PTCH1: variants seen among roughly 807,000 people sequenced by gnomAD.
PTCH1 encodes protein patched homolog 1.
A neutral mutation model predicts 144.6 loss-of-function variants in PTCH1; 14 were observed. The observed-to-expected ratio is 0.10, with a 90% CI of 0.06 to 0.15. The LOEUF is 0.15. Ranked by LOEUF, PTCH1 falls within the 10% of genes least tolerant of loss-of-function variation. The probability of loss-of-function intolerance (pLI) is 1.00; values close to 1 mark genes in which losing one functional copy is unlikely to be tolerated. For missense variants in PTCH1, 1,623 were observed against 1,948.3 expected (o/e 0.83, Z 3.14); for synonymous variants, 833 against 793.6 (o/e 1.05, Z -0.83).
intron 19 of PTCH1, 97 bp downstream of exon 19, chr9:95,456,179 G>T (rs1311193097): frequency 6.5e-7 from 1 of 1,538,594 alleles, no homozygotes; most frequent in Middle Eastern, 1.7e-4. Context: ...TCACTGCCAC[G>T]CACAGGGAGA....
Position 95,449,479 on chromosome 9 carries a change from G to T in PTCH1, c.3550-156C>A. 9.6e-7 allele frequency: 1 copy of T among 1,042,670 alleles called. No homozygotes were observed. The highest frequency in any genetic ancestry group is 1.4e-6 in the Non-Finnish European group (1 of 707,434). 64.6% of individuals were successfully genotyped at this position (1,042,670 alleles called of 1,614,324 possible). A position where few individuals can be genotyped will look rare whatever the true frequency, so the allele number is the denominator to read the frequency against. On this transcript the variant is annotated intron_variant, in intron 21 of 23. Coordinates refer to ENST00000331920, the MANE Select transcript of PTCH1 (RefSeq NM_000264.5). This position sits in a 1 kb window ranked among gnomAD's most constrained non-coding sequence, Gnocchi z 5.3. ...AACCTCCCCTTCTCTACCACCTGGA[G>T]GACCTTCAGGTCCCGCAGCTGGAGC...
chr9:95,458,139 G>C lies in PTCH1; in HGVS notation c.3042C>G (p.Pro1014=). The change falls in exon 18 of 24, where the codon CCC becomes CCG. Residue 1014 remains proline (P), a synonymous_variant. Coordinates refer to ENST00000331920, the MANE Select transcript of PTCH1 (RefSeq NM_000264.5). This position sits in a 1 kb window ranked among gnomAD's most constrained non-coding sequence, Gnocchi z 4.7. ...LGLSSYPNGY[P]FLFWEQYIGL... ...CGATGTACTGCTCCCAGAAGAGGAA[G>C]GGGTAGCCGTTGGGGTAACTGGACA... 6.2e-7 allele frequency: 1 copy of C among 1,614,236 alleles called. No individual in the cohort carries two copies. Among genetic ancestry groups the C allele is most frequent in the East Asian group, 2.2e-5 (1 of 44,884 alleles).
intron 18 of PTCH1, 124 bp downstream of exon 18, chr9:95,457,889 T>C (rs1839080669): frequency 1.5e-6 from 2 of 1,322,210 alleles, no homozygotes; most frequent in East Asian, 2.4e-5. Flanking sequence ...AGAATAAACA[T>C]ATTACGGATG....
intron 9 of PTCH1, 94 bp downstream of exon 9, chr9:95,477,961 A>G: frequency 6.3e-7 from 1 of 1,588,902 alleles, no homozygotes; most frequent in Non-Finnish European, 8.6e-7. Context: ...ATCGATGTTA[A>G]GAGCAGTTAA....
intron 1 of PTCH1, 92 bp from the exon 2 acceptor site, chr9:95,506,691 A>C: frequency 9.3e-7 from 1 of 1,072,970 alleles, no homozygotes; most frequent in Non-Finnish European, 1.2e-6. Flanking sequence ...GTGAGCCCCC[A>C]ACAGCCGTGG....
intron 2 of PTCH1, among the ~76,000 whole-genome samples, chr9:95,501,745 T>C (rs959559493): frequency 7.9e-5 from 12 of 152,260 alleles, no homozygotes; most frequent in African/African-American, 2.9e-4. Context: ...CTGGAGAAGC[T>C]TGACAAGAAA....
intron 12 of PTCH1, among the ~76,000 whole-genome samples, chr9:95,472,108 A>T (rs530408229): frequency 7.6e-5 from 10 of 132,246 alleles, no homozygotes; most frequent in Non-Finnish European, 1.2e-4. Flanking sequence ...AAAAACACAG[A>T]GTGTGCAAGA....
intron 12 of PTCH1, among the ~76,000 whole-genome samples, chr9:95,473,075 G>A (rs1488416715): frequency 6.6e-6 from 1 of 152,210 alleles, no homozygotes; most frequent in Non-Finnish European, 1.5e-5. Flanking sequence ...TGTTCTGTGA[G>A]TTTTCATTGA....
In PTCH1 at chr9:95,445,193, C is replaced by T. The variant is rs549419548; in HGVS notation, c.*1200G>A. 2.6e-5 allele frequency: 4 copies of T among 152,270 alleles called. No homozygotes were observed. Among genetic ancestry groups the T allele is most frequent in the South Asian group, 2.1e-4 (1 of 4,816 alleles). The allele number at this position is 152,270 out of a possible 1,614,324, so 9.4% of individuals were successfully genotyped here. On this transcript the variant is annotated 3_prime_UTR_variant, in exon 24 of 24. Coordinates refer to ENST00000331920, the MANE Select transcript of PTCH1 (RefSeq NM_000264.5). ...CTCCATTTAAGAGAGGGAGTTTAAACTATAGGGACTCAAAACATCATTTCT... is the reference window on the plus strand; with the variant it reads ...CTCCATTTAAGAGAGGGAGTTTAAATTATAGGGACTCAAAACATCATTTCT...
chr9:95,467,224 A>C lies in PTCH1; in HGVS notation c.2452T>G (p.Leu818Val). 6.2e-7 allele frequency: 1 copy of C among 1,613,342 alleles called. No homozygotes were observed. Among genetic ancestry groups the C allele is most frequent in the Non-Finnish European group, 8.5e-7 (1 of 1,179,796 alleles). ...QKADYPNIQH[L>V]LYDLHRSFSN... ...AAACTCCTGTGTAGGTCGTAAAGTAAGTGCTGGATATTCGGGTAGTCTGCT... is the reference window on the plus strand; with the variant it reads ...AAACTCCTGTGTAGGTCGTAAAGTACGTGCTGGATATTCGGGTAGTCTGCT... The change falls in exon 15 of 24, where the codon TTA (leucine) becomes GTA (valine). Residue 818 changes from leucine (L) to valine (V), a missense_variant. By Grantham distance (32) the Leu-to-Val change is conservative. Transcript: ENST00000331920.
chr9:95,476,769 A>G lies in PTCH1; in HGVS notation c.1592T>C (p.Ile531Thr), dbSNP rs1227526379. 2.5e-6 allele frequency: 4 copies of G among 1,613,724 alleles called. No individual in the cohort carries two copies. Residue 531 changes from isoleucine (I) to threonine (T), a missense_variant, in exon 11 of 24, where the codon ATC (isoleucine) becomes ACC (threonine). Coordinates refer to ENST00000331920, the MANE Select transcript of PTCH1 (RefSeq NM_000264.5). This position sits in a 1 kb window ranked among gnomAD's most constrained non-coding sequence, Gnocchi z 4.6. ...AFSETGQNKR[I>T]PFEDRTGECL... is the part of the protein sequence containing the mutation. Reference sequence around the variant, plus strand: ...TTGTTTTTGCATTACCTCAAAAGGGATTCTTTTATTCTGTCCTGTTTCACT... The same window carrying G: ...TTGTTTTTGCATTACCTCAAAAGGGGTTCTTTTATTCTGTCCTGTTTCACT...
intron 2 of PTCH1, among the ~76,000 whole-genome samples, chr9:95,492,986 G>C (rs1388887331): frequency 6.6e-6 from 1 of 152,024 alleles, no homozygotes; most frequent in African/African-American, 2.4e-5. Flanking sequence ...GAAATCCAAG[G>C]CTTAAGCCAA....
At chr9:95,459,013 G>T (rs552777759) in intron 17 of PTCH1, among the ~76,000 whole-genome samples, 1 of 152,176 alleles carries the variant, frequency 6.6e-6, no homozygotes, top group East Asian at 1.9e-4. Flanking sequence ...TCCTCCCTTG[G>T]CCCGGTATCC....
chr9:95,514,645 T>TGA (rs879380677), intron 1 of PTCH1: 1,663 of 123,946 alleles, frequency 0.013, 20 homozygotes, highest in Non-Finnish European at 0.022. Context: ...TGTGTGTGTG[T>TGA]GTGAGAGAGA....
chr9:95,446,249 T>A lies in PTCH1; in HGVS notation c.*144A>T, dbSNP rs1837868781. On this transcript the variant is annotated 3_prime_UTR_variant, in exon 24 of 24. Coordinates refer to ENST00000331920, the MANE Select transcript of PTCH1 (RefSeq NM_000264.5). ...AGAAATATTTAACAAAATAATACAA[T>A]CGGTTACAGTAACAATGAACTGCTG... 1 of 422,850 alleles carries A rather than the reference T, an allele frequency of 2.4e-6. No homozygotes were observed. Among genetic ancestry groups the A allele is most frequent in the Admixed American group, 2.9e-5 (1 of 34,112 alleles). The allele number at this position is 422,850 out of a possible 1,614,324, so 26.2% of individuals were successfully genotyped here. A position where few individuals can be genotyped will look rare whatever the true frequency, so the allele number is the denominator to read the frequency against.
intron 2 of PTCH1, among the ~76,000 whole-genome samples, chr9:95,499,506 G>C (rs1843006039): frequency 6.6e-6 from 1 of 151,780 alleles, no homozygotes; most frequent in African/African-American, 2.4e-5. Context: ...AGGAGGGAAG[G>C]GGGCAGGGGA....
chr9:95,476,642 T>C lies in PTCH1; in HGVS notation c.1602+117A>G. 1 of 979,112 alleles carries C rather than the reference T, an allele frequency of 1.0e-6. No homozygotes were observed. The highest frequency in any genetic ancestry group is 2.0e-5 in the Admixed American group (1 of 49,740). 60.7% of individuals were successfully genotyped at this position (979,112 alleles called of 1,614,324 possible). ...TTGACTGGCAGCCAGTGACACATCA[T>C]CTGACATGGGACTGAAATCTTTACT... On this transcript the variant is annotated intron_variant, in intron 11 of 23. Coordinates refer to ENST00000331920, the MANE Select transcript of PTCH1 (RefSeq NM_000264.5). The surrounding 1 kb of genome is among the most constrained non-coding windows in gnomAD (Gnocchi z 4.6).
chr9:95,477,859 G>A (rs2118319721), intron 9 of PTCH1, among the ~76,000 whole-genome samples, 157 bp from the exon 10 acceptor site: 1 of 152,332 alleles, frequency 6.6e-6, no homozygotes, highest in Non-Finnish European at 1.5e-5. Context: ...AATGACAGGA[G>A]TCAAAGGTAG....
chr9:95,497,780 A>C (rs1025539710), intron 2 of PTCH1, among the ~76,000 whole-genome samples: 1 of 152,196 alleles, frequency 6.6e-6, no homozygotes, highest in Non-Finnish European at 1.5e-5. Flanking sequence ...TCAAGTTGCT[A>C]TTCTTTGCCA....
Sources: gnomAD v4.1 joint callset for allele counts (sites outside exome capture counted in the v4.1 genomes callset) on GRCh38, gnomAD v4.1.1 for gene constraint, Gnocchi (gnomAD v3.1) non-coding constraint, MANE v1.5 for transcripts, NCBI Gene and HGNC (gene_info 2026-07-23, HGNC 2026-07-21) for gene names.